FRMD6: variants seen among roughly 807,000 people sequenced by gnomAD.
The protein encoded by FRMD6 is FERM domain containing 6.
In FRMD6, 37 loss-of-function variants were observed where a neutral mutation model predicts 73.2. That is an observed-to-expected ratio of 0.51 (90% CI 0.39 to 0.66). FRMD6 has a LOEUF of 0.66. Among genes scored for constraint, FRMD6 ranks in the 30% least tolerant of loss-of-function variants. FRMD6 has a pLI of 0.00. For synonymous variants in FRMD6, 273 were observed against 282.2 expected (o/e 0.97, Z 0.33); for missense variants, 714 against 780.5 (o/e 0.91, Z 1.02).
chr14:51,556,924 C>T (rs1040262235), intron 1 of FRMD6, among the ~76,000 whole-genome samples: 1 of 152,176 alleles, frequency 6.6e-6, no homozygotes, highest in African/African-American at 2.4e-5. Flanking sequence ...TTTCCAGACT[C>T]ACAAATTTTA....
intron 1 of FRMD6, among the ~76,000 whole-genome samples, chr14:51,550,538 C>A (rs2139432388): frequency 6.6e-6 from 1 of 151,772 alleles, no homozygotes; most frequent in East Asian, 1.9e-4. Flanking sequence ...CCTTGAGAGG[C>A]CTTGCCAGTG....
intron 9 of FRMD6, 192 bp from the exon 10 acceptor site, chr14:51,715,133 C>T (rs951422620): frequency 4.7e-5 from 21 of 446,926 alleles, no homozygotes; most frequent in South Asian, 9.6e-5. Flanking sequence ...AGATGCTTTC[C>T]TGAATTTCTG....
chr14:51,587,063 A>T (rs1031270790), intron 2 of FRMD6, among the ~76,000 whole-genome samples: 1 of 152,122 alleles, frequency 6.6e-6, no homozygotes, highest in African/African-American at 2.4e-5. Context: ...GCCCAAGTTC[A>T]TCTTTTTCTA....
intron 1 of FRMD6, among the ~76,000 whole-genome samples, chr14:51,495,408 G>T (rs542730936): frequency 6.6e-6 from 1 of 152,188 alleles, no homozygotes; most frequent in Non-Finnish European, 1.5e-5. Context: ...GGACACAAAA[G>T]TTCAGACCAT....
intron 1 of FRMD6, among the ~76,000 whole-genome samples, chr14:51,525,678 C>T (rs1248666209): frequency 3.9e-5 from 6 of 152,120 alleles, no homozygotes; most frequent in Non-Finnish European, 8.8e-5. Flanking sequence ...CTTTCTCCTG[C>T]CTCCTCATTT....
chr14:51,514,132 G>A (rs28690542), intron 1 of FRMD6, among the ~76,000 whole-genome samples: 4,916 of 152,180 alleles, frequency 0.032, 268 homozygotes, highest in African/African-American at 0.11. Context: ...TCCCCCACAT[G>A]ACTCTTCCTG....
intron 3 of FRMD6, among the ~76,000 whole-genome samples, chr14:51,699,824 A>G (rs1047479714): frequency 6.6e-6 from 1 of 152,016 alleles, no homozygotes; most frequent in Non-Finnish European, 1.5e-5. Context: ...CAAGCCAAAC[A>G]CAAATCAGTT....
chr14:51,509,528 A>AAAAAACAAAAC, intron 1 of FRMD6, among the ~76,000 whole-genome samples: 1 of 150,356 alleles, frequency 6.7e-6, no homozygotes, highest in African/African-American at 2.4e-5. Flanking sequence ...CTCCGTCTCA[A>AAAAAACAAAAC]AAAACAAAAC....
At chr14:51,576,644 A>G (rs1430089730) in intron 2 of FRMD6, among the ~76,000 whole-genome samples, 1 of 151,936 alleles carries the variant, frequency 6.6e-6, no homozygotes, top group Non-Finnish European at 1.5e-5. Flanking sequence ...CTTCTCTTTG[A>G]CCCTCAGCAT....
chr14:51,452,778 G>A, the FRMD6 span, among the ~76,000 whole-genome samples: 2 of 152,226 alleles, frequency 1.3e-5, no homozygotes, highest in African/African-American at 4.8e-5. Flanking sequence ...CAGTCAGAGT[G>A]TAAGAAGGAA....
intron 1 of FRMD6, among the ~76,000 whole-genome samples, chr14:51,510,756 T>C (rs1318219673): frequency 6.6e-6 from 1 of 152,202 alleles, no homozygotes; most frequent in African/African-American, 2.4e-5. Flanking sequence ...CCCTGGGGAA[T>C]TATACCTCCA....
At chr14:51,436,875 T>G in the FRMD6 span, 1 of 794,502 alleles carries the variant, frequency 1.3e-6, no homozygotes, top group Non-Finnish European at 2.0e-6. Context: ...TTAGAAGGTA[T>G]TGATGAAGAA....
intron 10 of FRMD6, among the ~76,000 whole-genome samples, chr14:51,719,008 G>GT (rs1379164211): frequency 2.0e-5 from 3 of 152,160 alleles, no homozygotes; most frequent in African/African-American, 7.2e-5. Context: ...TAGTCTACTA[G>GT]TTTCTAAAAT....
At chr14:51,411,524 G>T in the FRMD6 span, among the ~76,000 whole-genome samples, 1 of 152,102 alleles carries the variant, frequency 6.6e-6, no homozygotes, top group East Asian at 1.9e-4. Context: ...CTTACATTGG[G>T]GGCAGCCCAC....
chr14:51,482,316 G>A, the FRMD6 span, among the ~76,000 whole-genome samples: 2 of 152,214 alleles, frequency 1.3e-5, no homozygotes, highest in Non-Finnish European at 2.9e-5. Context: ...GCCCTCGCAC[G>A]TGGTGTCATG....
intron 13 of FRMD6, among the ~76,000 whole-genome samples, chr14:51,727,427 AT>A (rs962317311): frequency 2.0e-5 from 3 of 152,088 alleles, no homozygotes; most frequent in African/African-American, 7.2e-5. Context: ...TGTGCTTTGG[AT>A]TATTTGTAAA....
intron 1 of FRMD6, among the ~76,000 whole-genome samples, chr14:51,655,466 T>C (rs372227042): frequency 6.6e-6 from 1 of 152,138 alleles, no homozygotes; most frequent in Non-Finnish European, 1.5e-5. Context: ...AAAAATGTTA[T>C]CGTTGGTCTC....
intron 2 of FRMD6, among the ~76,000 whole-genome samples, chr14:51,575,318 C>A (rs1028091145): frequency 6.6e-6 from 1 of 152,172 alleles, no homozygotes; most frequent in East Asian, 1.9e-4. Context: ...ACTTATCTAT[C>A]GACATGAAAT....
intron 1 of FRMD6, among the ~76,000 whole-genome samples, chr14:51,683,090 A>G (rs918616713): frequency 3.9e-5 from 6 of 152,216 alleles, no homozygotes; most frequent in Non-Finnish European, 8.8e-5. Context: ...ACCACTTAAT[A>G]TAATGCCACT....
Sources: allele counts gnomAD v4.1 joint callset (sites outside exome capture counted in the v4.1 genomes callset), GRCh38; gene constraint gnomAD v4.1.1; transcripts MANE v1.5; gene names NCBI Gene and HGNC (gene_info 2026-07-23, HGNC 2026-07-21).